Variants in IQSEC1 observed in about 807,000 individuals in gnomAD.
The protein encoded by IQSEC1 is IQ motif and SEC7 domain-containing protein 1.
In IQSEC1, 31 loss-of-function variants were observed where a neutral mutation model predicts 91.0. The ratio of observed to expected loss-of-function variants is 0.34; its 90% CI spans 0.26 to 0.46. IQSEC1 has a LOEUF of 0.46. Ranked by LOEUF, IQSEC1 falls within the 20% of genes least tolerant of loss-of-function variation. The pLI, the probability that IQSEC1 is intolerant of heterozygous loss-of-function variation, is 1.00. For synonymous variants in IQSEC1, 699 were observed against 662.6 expected (o/e 1.05, Z -0.84); for missense variants, 1,388 against 1,575.6 (o/e 0.88, Z 2.02).
At position 13,073,128 on chromosome 3, in the gene IQSEC1, C is replaced by A; in HGVS notation, c.-114G>T. 1 of 1,286,550 alleles carries A rather than the reference C, an allele frequency of 7.8e-7. No homozygotes were observed. The highest frequency in any genetic ancestry group is 1.1e-6 in the Non-Finnish European group (1 of 916,974). The allele number at this position is 1,286,550 out of a possible 1,614,324, so 79.7% of individuals were successfully genotyped here. The stretch of plus-strand genomic sequence containing the variant: ...GAAGTGGAGGGGAATAAAATTAAAT[C>A]GCGGGGCGAGTCACATTCCCGGGGG... On this transcript the variant is annotated 5_prime_UTR_variant, in exon 1 of 14. Transcript: ENST00000613206.
chr3:13,277,106 T>TAAAAAAAAAAAAAAA (rs4034193), intron 1 of IQSEC1, among the ~76,000 whole-genome samples: 4 of 35,992 alleles, frequency 1.1e-4, no homozygotes, highest in African/African-American at 1.3e-4. Context: ...TGCTCCTCCT[T>TAAAAAAAAAAAAAAA]AAAAAAAAAA....
chr3:13,027,641 T>C (rs1245473277), intron 1 of IQSEC1, among the ~76,000 whole-genome samples: 1 of 152,104 alleles, frequency 6.6e-6, no homozygotes, highest in African/African-American at 2.4e-5. Context: ...TGGAAGATGA[T>C]GCCTGGGTTG....
At chr3:13,183,457 T>G (rs1693880356) in intron 1 of IQSEC1, among the ~76,000 whole-genome samples, 2 of 147,046 alleles carry the variant, frequency 1.4e-5, no homozygotes, top group African/African-American at 5.4e-5. Context: ...TCCCAGCTAC[T>G]TGGGAGGCTG....
chr3:13,121,356 C>T (rs1421646782), intron 2 of IQSEC1, among the ~76,000 whole-genome samples: 1 of 152,226 alleles, frequency 6.6e-6, no homozygotes, highest in Non-Finnish European at 1.5e-5. Context: ...ATGTCATTCT[C>T]ATTTCCCAAG....
chr3:13,036,113 G>T (rs780137617), intron 1 of IQSEC1, among the ~76,000 whole-genome samples: 2 of 152,206 alleles, frequency 1.3e-5, no homozygotes, highest in African/African-American at 2.4e-5. Flanking sequence ...CCAAGTTGCA[G>T]TTCTATGGGA....
intron 1 of IQSEC1, among the ~76,000 whole-genome samples, chr3:13,180,959 A>G (rs538003855): frequency 6.6e-6 from 1 of 152,236 alleles, no homozygotes; most frequent in African/African-American, 2.4e-5. Context: ...CCAAGAACCC[A>G]CCAATTCCGG....
At chr3:13,203,814 C>T (rs1694289702) in intron 1 of IQSEC1, among the ~76,000 whole-genome samples, 1 of 152,248 alleles carries the variant, frequency 6.6e-6, no homozygotes, top group Non-Finnish European at 1.5e-5. Flanking sequence ...TCCTTCCCTC[C>T]CTGCTTCCTC....
chr3:13,085,304 C>T (rs975054530), intron 2 of IQSEC1, among the ~76,000 whole-genome samples: 2 of 152,132 alleles, frequency 1.3e-5, no homozygotes, highest in African/African-American at 4.8e-5. Flanking sequence ...ATGCTGACTT[C>T]AGCTCTGGTC....
At position 12,908,320 on chromosome 3, in the gene IQSEC1, A is replaced by G; in HGVS notation, c.2755+29T>C. On this transcript the variant is annotated intron_variant, in intron 12 of 13. Coordinates refer to ENST00000613206, the MANE Select transcript of IQSEC1 (RefSeq NM_001134382.3). The surrounding 1 kb of genome is among the most constrained non-coding windows in gnomAD (Gnocchi z 4.9). ...GCCTCGGTCTTGCATGCGCTGGGCT[A>G]GCAAGGTGGTTCTAGGCCAAGCTCT... 1.2e-6 allele frequency: 2 copies of G among 1,608,048 alleles called. No individual in the cohort carries two copies. The highest frequency in any genetic ancestry group is 1.7e-6 in the Non-Finnish European group (2 of 1,177,984).
chr3:12,937,722 C>T (rs555052367), intron 2 of IQSEC1, among the ~76,000 whole-genome samples: 1 of 152,340 alleles, frequency 6.6e-6, no homozygotes, highest in East Asian at 1.9e-4. Flanking sequence ...GGCAGCTGGG[C>T]TGGAAAGACC....
intron 1 of IQSEC1, among the ~76,000 whole-genome samples, chr3:12,991,515 G>A (rs1034226723): frequency 6.6e-6 from 1 of 152,158 alleles, no homozygotes; most frequent in African/African-American, 2.4e-5. Context: ...TGATAGGAAT[G>A]AGCAGCCCCC....
intron 1 of IQSEC1, among the ~76,000 whole-genome samples, chr3:13,280,263 C>T (rs1191322868): frequency 6.6e-6 from 1 of 152,208 alleles, no homozygotes; most frequent in East Asian, 1.9e-4. Context: ...CATTCTTCCT[C>T]TTATGTTTCC....
chr3:12,902,673 A>AAAAAAAAAAAAAAAAAAAAAAAAAAGG, intron 13 of IQSEC1, 100 bp downstream of exon 13: 1 of 477,504 alleles, frequency 2.1e-6, no homozygotes, highest in African/African-American at 2.1e-5. Context: ...AAAAAACCAA[A>AAAAAAAAAAAAAAAAAAAAAAAAAAGG]AAAAAAAAAA....
At position 12,900,485 on chromosome 3, in the gene IQSEC1, T is replaced by A. The variant is rs1694138065; in HGVS notation, c.*498A>T. On this transcript the variant is annotated 3_prime_UTR_variant, in exon 14 of 14. Coordinates refer to ENST00000613206, the MANE Select transcript of IQSEC1 (RefSeq NM_001134382.3). ...TATATATATTTATATATTTATATAT[T>A]TATATAAAGTTTACTTACGTATTTT... The A allele has an allele frequency of 1.4e-5, 10 of 733,150 alleles. No homozygotes were observed. In the Admixed American group the frequency reaches 5.1e-4, roughly 38 times the overall value. The allele number at this position is 733,150 out of a possible 1,614,324, so 45.4% of individuals were successfully genotyped here. A position where few individuals can be genotyped will look rare whatever the true frequency, so the allele number is the denominator to read the frequency against.
intron 1 of IQSEC1, among the ~76,000 whole-genome samples, chr3:12,976,175 TC>T (rs959462828): frequency 1.6e-4 from 25 of 152,278 alleles, no homozygotes; most frequent in Non-Finnish European, 3.2e-4. Context: ...TGTACACCAC[TC>T]CCCGCTCCCT....
At chr3:13,035,655 C>T (rs370378590) in intron 1 of IQSEC1, among the ~76,000 whole-genome samples, 1 of 152,276 alleles carries the variant, frequency 6.6e-6, no homozygotes, top group African/African-American at 2.4e-5. Context: ...ATTCTATTTC[C>T]AAACAGGGCC....
intron 2 of IQSEC1, among the ~76,000 whole-genome samples, chr3:13,092,134 A>G (rs1705873021): frequency 6.6e-6 from 1 of 152,166 alleles, no homozygotes; most frequent in Admixed American, 6.5e-5. Context: ...TGACTGCATC[A>G]AAAGGGGCTA....
At chr3:12,944,020 G>C (rs1698996630) in intron 1 of IQSEC1, among the ~76,000 whole-genome samples, 1 of 152,212 alleles carries the variant, frequency 6.6e-6, no homozygotes, top group Non-Finnish European at 1.5e-5. Context: ...TGAATGAAGA[G>C]GGGGTCCCAG....
At chr3:12,955,354 G>A (rs560264901) in intron 1 of IQSEC1, among the ~76,000 whole-genome samples, 7 of 152,346 alleles carry the variant, frequency 4.6e-5, no homozygotes, top group Non-Finnish European at 1.0e-4. Context: ...GGGCATTGGC[G>A]GAGCCTCAGA....
Sources: allele counts gnomAD v4.1 joint callset (sites outside exome capture counted in the v4.1 genomes callset), GRCh38; gene constraint gnomAD v4.1.1; non-coding constraint Gnocchi (gnomAD v3.1); transcripts MANE v1.5; gene names NCBI Gene and HGNC (gene_info 2026-07-23, HGNC 2026-07-21).